SEZ6L2: variants seen among roughly 807,000 people sequenced by gnomAD.
SEZ6L2 encodes the protein seizure 6-like protein 2.
In SEZ6L2, 44 loss-of-function variants were observed where a neutral mutation model predicts 97.0. That is an observed-to-expected ratio of 0.45 (90% confidence interval 0.36 to 0.58). The LOEUF is 0.58. Among genes scored for constraint, SEZ6L2 ranks in the 20% least tolerant of loss-of-function variants. SEZ6L2 has a pLI of 0.00. For missense variants in SEZ6L2, 1,086 were observed against 1,233.3 expected (o/e 0.88, Z 1.79); for synonymous variants, 543 against 546.1 (o/e 0.99, Z 0.08).
At position 29,880,079 on chromosome 16, in the gene SEZ6L2, G is replaced by C; in HGVS notation, c.1373-15C>G. 1.2e-6 allele frequency: 2 copies of C among 1,612,832 alleles called. No homozygotes were observed. The highest frequency in any genetic ancestry group is 1.7e-6 in the Non-Finnish European group (2 of 1,179,262). On this transcript the variant is annotated splice_polypyrimidine_tract_variant and intron_variant, in intron 8 of 17. Coordinates refer to ENST00000617533, the MANE Select transcript of SEZ6L2 (RefSeq NM_001243332.2). ...CTCCTCAAAGGCTGGGAAGGAGTCA[G>C]TCATAACAATTAAGCATTAGGACAG... is the stretch of plus-strand genomic sequence containing the variant.
At chr16:29,898,902 G>T in intron 1 of SEZ6L2, 39 bp downstream of exon 1, 1 of 1,529,200 alleles carries the variant, frequency 6.5e-7, no homozygotes, top group Non-Finnish European at 9.0e-7. Flanking sequence ...CCCGCTGGAC[G>T]CCTTCCTGGG....
chr16:29,891,998 G>A (rs2068281225), intron 5 of SEZ6L2, among the ~76,000 whole-genome samples: 1 of 152,204 alleles, frequency 6.6e-6, no homozygotes, highest in African/African-American at 2.4e-5. Flanking sequence ...CAATAAACGT[G>A]CAGATGGTTG....
chr16:29,883,406 G>T (rs555790196), intron 8 of SEZ6L2, among the ~76,000 whole-genome samples: 1 of 151,948 alleles, frequency 6.6e-6, no homozygotes, highest in Non-Finnish European at 1.5e-5. Flanking sequence ...GTTCAAGTGG[G>T]GTTCAAGTGA....
intron 8 of SEZ6L2, 93 bp downstream of exon 8, chr16:29,885,493 A>G (rs1339372339): frequency 7.5e-7 from 1 of 1,333,416 alleles, no homozygotes; most frequent in Non-Finnish European, 1.0e-6. Flanking sequence ...ACGGAGATGA[A>G]CAGGCATAGA....
intron 4 of SEZ6L2, 122 bp downstream of exon 4, chr16:29,895,599 A>G: frequency 3.5e-6 from 5 of 1,426,888 alleles, no homozygotes; most frequent in Non-Finnish European, 4.8e-6. Context: ...AATCTAGAAG[A>G]GTTTTTGAGG....
At chr16:29,895,180 A>T in intron 5 of SEZ6L2, 79 bp downstream of exon 5, 1 of 50,672 alleles carries the variant, frequency 2.0e-5, no homozygotes, top group Non-Finnish European at 2.7e-5. Flanking sequence ...CTCTGTCTCA[A>T]AAAAAAAAAA....
rs1158333684 is a variant in SEZ6L2 at position 29,873,006 on chromosome 16, T to C, written c.2488+234A>G. On this transcript the variant is annotated intron_variant, in intron 14 of 17. Coordinates refer to ENST00000617533, the MANE Select transcript of SEZ6L2 (RefSeq NM_001243332.2). This position sits in a 1 kb window ranked among gnomAD's most constrained non-coding sequence, Gnocchi z 4.3. ...TGTCAGCGATAGGGAAACTGAGGCC[T>C]ATTCAGAGCAAGGGACTTCCAAGCC... 6.6e-6 allele frequency among the ~76,000 whole-genome samples: 1 copy of C among 152,218 alleles called. No individual in the cohort carries two copies. Among genetic ancestry groups the C allele is most frequent in the Non-Finnish European group, 1.5e-5 (1 of 68,038 alleles).
At chr16:29,871,848 G>T in intron 17 of SEZ6L2, 120 bp from the exon 18 acceptor site, 1 of 880,216 alleles carries the variant, frequency 1.1e-6, no homozygotes, top group Non-Finnish European at 1.9e-6. Context: ...GGGGCTGGGG[G>T]GCCAGTGAAT....
rs528832199 is a variant in SEZ6L2 at position 29,876,176 on chromosome 16, C to T, written c.2104+580G>A. Among the ~76,000 whole-genome samples, 2 of 152,244 alleles carry T rather than the reference C, an allele frequency of 1.3e-5. No homozygotes were observed. The highest frequency in any genetic ancestry group is 4.2e-4 in the South Asian group (2 of 4,818). Reference sequence around the variant, plus strand: ...CCCAGTGATCACCACCCTGCGTATCCCTCCCAGACTGCGAGCTCCATAAGA... The same window carrying T: ...CCCAGTGATCACCACCCTGCGTATCTCTCCCAGACTGCGAGCTCCATAAGA... On this transcript the variant is annotated intron_variant, in intron 12 of 17. Coordinates refer to ENST00000617533, the MANE Select transcript of SEZ6L2 (RefSeq NM_001243332.2). This position sits in a 1 kb window ranked among gnomAD's most constrained non-coding sequence, Gnocchi z 6.5.
intron 3 of SEZ6L2, 32 bp downstream of exon 3, chr16:29,896,790 C>A: frequency 1.2e-6 from 2 of 1,601,136 alleles, no homozygotes; most frequent in Admixed American, 1.7e-5. Context: ...CTCTCCGGTC[C>A]TCCCACCCCC....
At chr16:29,893,062 C>T (rs921859434) in intron 5 of SEZ6L2, among the ~76,000 whole-genome samples, 1 of 152,176 alleles carries the variant, frequency 6.6e-6, no homozygotes, top group Non-Finnish European at 1.5e-5. Context: ...CCATGGCTCA[C>T]GCCTGTAATC....
At chr16:29,887,261 C>A (rs2068161718) in intron 7 of SEZ6L2, among the ~76,000 whole-genome samples, 1 of 149,598 alleles carries the variant, frequency 6.7e-6, no homozygotes, top group South Asian at 2.1e-4. Flanking sequence ...CCAGCTGTGT[C>A]CAAGTCCCCA....
At position 29,874,559 on chromosome 16, in the gene SEZ6L2, T is replaced by G. The variant is rs1435505925; in HGVS notation, c.2105-830A>C. 4.1e-3 allele frequency among the ~76,000 whole-genome samples: 327 copies of G among 79,332 alleles called. 33 individuals carry two copies. The highest frequency in any genetic ancestry group is 0.018 in the African/African-American group (298 of 16,762). The allele number at this position is 79,332 out of a possible 152,430, so 52.0% of individuals were successfully genotyped here. The stretch of plus-strand genomic sequence containing the variant: ...CTTTGTGTGTGTGCTTGTTTTTTTT[T>G]TTTTTTTTTTTTTTTTTTTTTTTTT... On this transcript the variant is annotated intron_variant, in intron 12 of 17. Transcript: ENST00000617533.
At chr16:29,889,291 T>A (rs895858728) in intron 5 of SEZ6L2, among the ~76,000 whole-genome samples, 1 of 152,006 alleles carries the variant, frequency 6.6e-6, no homozygotes, top group Non-Finnish European at 1.5e-5. Flanking sequence ...ATACGAAAAT[T>A]AGCCAGGCGT....
At chr16:29,882,333 T>C (rs2068047437) in intron 8 of SEZ6L2, among the ~76,000 whole-genome samples, 1 of 151,828 alleles carries the variant, frequency 6.6e-6, no homozygotes, top group Admixed American at 6.6e-5. Flanking sequence ...TCCCCCCACT[T>C]TGGGAGGCTG....
intron 3 of SEZ6L2, 69 bp from the exon 4 acceptor site, chr16:29,895,929 G>A (rs2068378053): frequency 1.3e-6 from 2 of 1,490,328 alleles, no homozygotes. Context: ...AAGCAACTCT[G>A]GCCTTCATCT....
chr16:29,881,620 CTTTTTTT>C (rs59318540), intron 8 of SEZ6L2, among the ~76,000 whole-genome samples: 18,597 of 86,194 alleles, frequency 0.22, 1,552 homozygotes, highest in Middle Eastern at 0.45. Context: ...ATGAGGAATT[CTTTTTTT>C]TTTTTTTTTT....
intron 9 of SEZ6L2, among the ~76,000 whole-genome samples, chr16:29,879,387 A>G (rs2067982756): frequency 6.6e-6 from 1 of 150,648 alleles, no homozygotes; most frequent in Non-Finnish European, 1.5e-5. Context: ...CACCATGCCC[A>G]GCTAATTTTG....
rs556364210 is a variant in SEZ6L2, at chr16:29,899,110, GTTTTTTTT to G, written c.-99_-92del. ...TCTCCGTTTATCTTTCCCTTTAATT[GTTTTTTTT>G]TTTTTTTTTTTTTTCCTCGTAGGAG... is the stretch of plus-strand genomic sequence containing the variant. On this transcript the variant is annotated 5_prime_UTR_variant, in exon 1 of 18. Coordinates refer to ENST00000617533, the MANE Select transcript of SEZ6L2 (RefSeq NM_001243332.2). 1.2e-3 allele frequency: 610 copies of G among 501,454 alleles called. 1 individual carries two copies. In the African/African-American group the frequency reaches 0.013, roughly 10 times the overall value. 31.1% of individuals were successfully genotyped at this position (501,454 alleles called of 1,614,324 possible).
Sources: gnomAD v4.1 joint callset for allele counts (sites outside exome capture counted in the v4.1 genomes callset) on GRCh38, gnomAD v4.1.1 for gene constraint, Gnocchi (gnomAD v3.1) non-coding constraint, MANE v1.5 for transcripts, NCBI Gene and HGNC (gene_info 2026-07-23, HGNC 2026-07-21) for gene names.